Variants in ZDHHC13 observed in about 807,000 individuals in gnomAD.
ZDHHC13 encodes the protein palmitoyltransferase ZDHHC13.
In ZDHHC13, 85 loss-of-function variants were observed where a neutral mutation model predicts 86.0. The ratio of observed to expected loss-of-function variants is 0.99; its 90% CI spans 0.83 to 1.18. ZDHHC13 has a LOEUF of 1.18. Ranked by LOEUF, ZDHHC13 falls within the 50% of genes most tolerant of loss-of-function variation. The pLI, the probability that ZDHHC13 is intolerant of heterozygous loss-of-function variation, is 0.00. For synonymous variants in ZDHHC13, 263 were observed against 246.4 expected (o/e 1.07, Z -0.63); for missense variants, 711 against 730.2 (o/e 0.97, Z 0.30).
At chr11:19,128,207 G>A (rs1848918032) in intron 1 of ZDHHC13, among the ~76,000 whole-genome samples, 1 of 152,068 alleles carries the variant, frequency 6.6e-6, no homozygotes, top group Admixed American at 6.5e-5. Flanking sequence ...TATTCTTTTT[G>A]TGGCAGTTGT....
chr11:19,122,158 G>A (rs79108596), intron 1 of ZDHHC13, among the ~76,000 whole-genome samples: 6,586 of 152,122 alleles, frequency 0.043, 253 homozygotes, highest in East Asian at 0.21. Flanking sequence ...TCATATTGTC[G>A]TGGGTCATGT....
chr11:19,148,232 C>A (rs1171024100), intron 4 of ZDHHC13, among the ~76,000 whole-genome samples: 2 of 151,208 alleles, frequency 1.3e-5, no homozygotes, highest in South Asian at 2.1e-4. Flanking sequence ...TTATCAGTTT[C>A]TTTTATTAAT....
chr11:19,117,276 G>A lies in ZDHHC13; in HGVS notation c.27G>A (p.Gln9=). The A allele has an allele frequency of 6.7e-7, 1 of 1,483,784 alleles. No homozygotes were observed. Among genetic ancestry groups the A allele is most frequent in the Non-Finnish European group, 9.0e-7 (1 of 1,116,662 alleles). 91.9% of individuals were successfully genotyped at this position (1,483,784 alleles called of 1,614,324 possible). A position where few individuals can be genotyped will look rare whatever the true frequency, so the allele number is the denominator to read the frequency against. The change falls in exon 1 of 17, where the codon CAG becomes CAA. Residue 9 remains glutamine, a splice_region_variant and synonymous_variant. Coordinates refer to ENST00000446113, the MANE Select transcript of ZDHHC13 (RefSeq NM_019028.3). This position sits in a 1 kb window ranked among gnomAD's most constrained non-coding sequence, Gnocchi z 4.2. ...TGGAGGGGCCGGGGCTGGGCTCGCA[G>A]GTGAGTGCGGCCGGGCGGTGGCTGT... is the stretch of plus-strand genomic sequence containing the variant. The part of the protein sequence containing the change: MEGPGLGS[Q]CRNHSHGPHP...
chr11:19,129,458 G>T lies in ZDHHC13; in HGVS notation c.27+12182G>T, dbSNP rs1438094739. On this transcript the variant is annotated intron_variant, in intron 1 of 16. Transcript: ENST00000446113. ...TGTGTTGAAAGATTTTACAAATTTT[G>T]TCATATGCTTTACATAAAGAATTTT... 1.3e-5 allele frequency among the ~76,000 whole-genome samples: 2 copies of T among 151,980 alleles called. 1 individual carries two copies. The highest frequency in any genetic ancestry group is 6.8e-3 in the Middle Eastern group (2 of 292).
At chr11:19,138,042 G>A (rs1480212259) in intron 1 of ZDHHC13, among the ~76,000 whole-genome samples, 3 of 150,650 alleles carry the variant, frequency 2.0e-5, no homozygotes, top group African/African-American at 7.3e-5. Context: ...GCTAGCAGAA[G>A]GCAAGAAATA....
intron 15 of ZDHHC13, among the ~76,000 whole-genome samples, chr11:19,172,416 A>G (rs927107284): frequency 3.3e-5 from 5 of 152,212 alleles, no homozygotes; most frequent in Non-Finnish European, 7.3e-5. Context: ...TTAAAATAAT[A>G]TGATGAGAGT....
rs75086929 is a variant in ZDHHC13 at position 19,143,337 on chromosome 11, G to C, written c.173+214G>C. On this transcript the variant is annotated intron_variant, in intron 2 of 16. Transcript: ENST00000446113. ...GGACGTCCCATTAGATTGTAGGCAG[G>C]TTCTTAGCAAAAGCATGTCTTCATC... Among the ~76,000 whole-genome samples the C allele has an allele frequency of 6.8e-3, 1,041 of 152,276 alleles. 9 individuals carry two copies. Among genetic ancestry groups the C allele is most frequent in the African/African-American group, 0.024 (982 of 41,554 alleles).
Position 19,165,099 on chromosome 11 carries a change from T to C in ZDHHC13, c.1344T>C (p.Cys448=). 2 of 1,613,076 alleles carry C rather than the reference T, an allele frequency of 1.2e-6. No homozygotes were observed. The highest frequency in any genetic ancestry group is 1.7e-6 in the Non-Finnish European group (2 of 1,179,488). ...RSLHCHVCNC[C]VARYDQHCLW... ...TCCACTGCCATGTATGCAACTGCTG[T>C]GTGGCTCGATATGATCAACACTGCC... Residue 448 remains cysteine (C), a synonymous_variant, in exon 13 of 17, where the codon TGT becomes TGC. Transcript: ENST00000446113.
intron 1 of ZDHHC13, among the ~76,000 whole-genome samples, chr11:19,142,326 G>C (rs1053256580): frequency 6.6e-6 from 1 of 152,124 alleles, no homozygotes; most frequent in Non-Finnish European, 1.5e-5. Flanking sequence ...ACTTTTTCAA[G>C]GCCAGCAGAA....
In ZDHHC13 at chr11:19,170,511, G is replaced by A; in HGVS notation, c.1575G>A (p.Met525Ile). The A allele has an allele frequency of 6.5e-7, 1 of 1,527,442 alleles. No homozygotes were observed. The highest frequency in any genetic ancestry group is 1.4e-5 in the African/African-American group (1 of 70,576). The allele number at this position is 1,527,442 out of a possible 1,614,324, so 94.6% of individuals were successfully genotyped here. Residue 525 changes from methionine to isoleucine, a missense_variant, in exon 15 of 17, where the codon ATG becomes ATA. Met to Ile is a conservative substitution (Grantham distance 10). Coordinates refer to ENST00000446113, the MANE Select transcript of ZDHHC13 (RefSeq NM_019028.3). The part of the protein sequence containing the change: ...ACSPWVLYIL[M>I]LATFHFSWST... ...CCCCTTGGGTTTTATATATCTTGAT[G>A]CTAGCAACTTTCCATTTCTCATGGT...
intron 3 of ZDHHC13, among the ~76,000 whole-genome samples, chr11:19,146,698 A>C (rs572019989): frequency 1.3e-5 from 2 of 152,344 alleles, no homozygotes; most frequent in African/African-American, 4.8e-5. Context: ...TTTTAAAAAA[A>C]CTAAATATGG....
At chr11:19,130,356 T>C (rs1848969308) in intron 1 of ZDHHC13, among the ~76,000 whole-genome samples, 1 of 152,198 alleles carries the variant, frequency 6.6e-6, no homozygotes, top group African/African-American at 2.4e-5. Context: ...GTTCAAAATA[T>C]TCCCTTTTTA....
chr11:19,155,994 T>C (rs1818051577), intron 9 of ZDHHC13, 65 bp downstream of exon 9: 1 of 1,513,990 alleles, frequency 6.6e-7, no homozygotes. Context: ...ATTTCTGTTG[T>C]TGGTTAGCTG....
Position 19,152,616 on chromosome 11 carries a change from C to G in ZDHHC13, c.805C>G (p.Leu269Val). 6.2e-7 allele frequency: 1 copy of G among 1,613,314 alleles called. No individual in the cohort carries two copies. The highest frequency in any genetic ancestry group is 8.5e-7 in the Non-Finnish European group (1 of 1,179,424). The stretch of plus-strand genomic sequence containing the variant: ...CAAAAATCAGCTCATTATTCATATG[C>G]TAAAAACAGAAGCCAAAATGAGAGC... ...QNKNQLIIHM[L>V]KTEAKMRANQ... Residue 269 changes from leucine to valine, a missense_variant, in exon 8 of 17, where the codon CTA (leucine) becomes GTA (valine). Transcript: ENST00000446113.
intron 1 of ZDHHC13, among the ~76,000 whole-genome samples, chr11:19,139,781 C>A (rs1221049305): frequency 7.9e-6 from 1 of 126,610 alleles, no homozygotes; most frequent in Non-Finnish European, 1.7e-5. Flanking sequence ...ACTATCTGAT[C>A]TTTGACAAAC....
At chr11:19,156,463 G>T (rs769437324) in intron 9 of ZDHHC13, among the ~76,000 whole-genome samples, 1 of 152,070 alleles carries the variant, frequency 6.6e-6, no homozygotes, top group Non-Finnish European at 1.5e-5. Flanking sequence ...TTCAAGTCAA[G>T]CTTTACCACA....
intron 1 of ZDHHC13, among the ~76,000 whole-genome samples, chr11:19,121,100 G>C (rs774977994): frequency 6.6e-6 from 1 of 152,216 alleles, no homozygotes; most frequent in Non-Finnish European, 1.5e-5. Context: ...GAAGGTTTGA[G>C]AACCATTTAT....
At chr11:19,170,067 A>G in intron 14 of ZDHHC13, 1 of 1,070,352 alleles carries the variant, frequency 9.3e-7, no homozygotes, top group Non-Finnish European at 1.1e-6. Flanking sequence ...GTTGCTATAA[A>G]CATGAATAAG....
At chr11:19,125,035 T>C (rs946831165) in intron 1 of ZDHHC13, among the ~76,000 whole-genome samples, 2 of 152,116 alleles carry the variant, frequency 1.3e-5, no homozygotes, top group African/African-American at 4.8e-5. Context: ...GGGAGAACTC[T>C]CTGAACAGAG....
Sources: gnomAD v4.1 joint callset for allele counts (sites outside exome capture counted in the v4.1 genomes callset) on GRCh38, gnomAD v4.1.1 for gene constraint, Gnocchi (gnomAD v3.1) non-coding constraint, MANE v1.5 for transcripts, NCBI Gene and HGNC (gene_info 2026-07-23, HGNC 2026-07-21) for gene names.